ZEB2: variants seen among roughly 807,000 people sequenced by gnomAD.
ZEB2 encodes the protein zinc finger E-box binding homeobox 2.
A neutral mutation model predicts 99.9 loss-of-function variants in ZEB2; 6 were observed. The observed-to-expected ratio is 0.06, with a 90% CI of 0.03 to 0.12. The LOEUF is 0.12. Ranked by LOEUF, ZEB2 falls within the 10% of genes least tolerant of loss-of-function variation. ZEB2 has a pLI of 1.00. For missense variants in ZEB2, 969 were observed against 1,502.8 expected (o/e 0.64, Z 5.87); for synonymous variants, 517 against 542.5 (o/e 0.95, Z 0.65).
At chr2:144,471,095 T>C (rs1180172854) in intron 2 of ZEB2, among the ~76,000 whole-genome samples, 2 of 152,160 alleles carry the variant, frequency 1.3e-5, no homozygotes, top group Admixed American at 1.3e-4. Flanking sequence ...TTAATATGTT[T>C]CACTTGCTAT....
At chr2:144,517,506 C>T in intron 1 of ZEB2, 87 bp from the exon 2 acceptor site, 1 of 840,998 alleles carries the variant, frequency 1.2e-6, no homozygotes, top group South Asian at 1.4e-5. Context: ...GGCCAGGGCC[C>T]CGGCGAGCAC....
chr2:144,474,003 TA>T (rs1315718916), intron 2 of ZEB2, among the ~76,000 whole-genome samples: 1 of 152,164 alleles, frequency 6.6e-6, no homozygotes, highest in Non-Finnish European at 1.5e-5. Flanking sequence ...ATAGAGAATT[TA>T]AAGAAAGTTT....
chr2:144,445,482 C>G (rs960373889), intron 2 of ZEB2, among the ~76,000 whole-genome samples: 7 of 151,916 alleles, frequency 4.6e-5, no homozygotes, highest in Admixed American at 1.3e-4. Flanking sequence ...CTTTGAAAAC[C>G]CTGCCTAGCT....
intron 4 of ZEB2, among the ~76,000 whole-genome samples, chr2:144,410,472 T>C (rs978825340): frequency 1.3e-5 from 2 of 152,184 alleles, no homozygotes; most frequent in Admixed American, 6.5e-5. Context: ...TGCCTAAAAT[T>C]CAAGCGATGT....
chr2:144,502,524 C>T (rs1475181157), intron 2 of ZEB2, among the ~76,000 whole-genome samples: 8 of 152,130 alleles, frequency 5.3e-5, no homozygotes, highest in Non-Finnish European at 1.0e-4. Flanking sequence ...CACTCTGACC[C>T]ACTGCGCGTT....
At chr2:144,494,025 A>G (rs1271821172) in intron 2 of ZEB2, among the ~76,000 whole-genome samples, 2 of 151,732 alleles carry the variant, frequency 1.3e-5, no homozygotes, top group African/African-American at 2.4e-5. Context: ...GGTTGCAGGC[A>G]CCTGTAGTCC....
chr2:144,406,632 A>T (rs1350735332), intron 4 of ZEB2, among the ~76,000 whole-genome samples: 1 of 152,194 alleles, frequency 6.6e-6, no homozygotes, highest in African/African-American at 2.4e-5. Context: ...CACGTGATGT[A>T]AGGGTGGAGA....
intron 3 of ZEB2, chr2:144,427,342 G>A (rs1184891601): frequency 6.6e-6 from 1 of 152,188 alleles, no homozygotes. Flanking sequence ...GGCACAGTAA[G>A]AACTCCACTG....
At chr2:144,401,371 T>C in intron 6 of ZEB2, 64 bp from the exon 7 acceptor site, 24 of 1,555,032 alleles carry the variant, frequency 1.5e-5, no homozygotes, top group Non-Finnish European at 1.8e-6. Context: ...TTGTTACAAA[T>C]ATTTTTAAAA....
At chr2:144,411,075 A>G (rs1427468233) in intron 4 of ZEB2, among the ~76,000 whole-genome samples, 11 of 107,430 alleles carry the variant, frequency 1.0e-4, no homozygotes, top group Non-Finnish European at 2.2e-4. Context: ...ATATATATAT[A>G]TATATATATA....
At chr2:144,404,708 CT>C in intron 5 of ZEB2, 127 bp downstream of exon 5, 1 of 1,242,658 alleles carries the variant, frequency 8.0e-7, no homozygotes. Context: ...CTAATCTTTG[CT>C]CATGAAATTC....
At chr2:144,484,325 C>T (rs1366914166) in intron 2 of ZEB2, among the ~76,000 whole-genome samples, 3 of 152,156 alleles carry the variant, frequency 2.0e-5, no homozygotes, top group South Asian at 4.1e-4. Context: ...CCAGTCCCTG[C>T]ATTTTATCAT....
intron 2 of ZEB2, among the ~76,000 whole-genome samples, chr2:144,472,117 G>C (rs1349193380): frequency 6.6e-6 from 1 of 151,946 alleles, no homozygotes; most frequent in Admixed American, 6.6e-5. Context: ...AATTTCAGGA[G>C]GAATACTGTA....
intron 4 of ZEB2, chr2:144,424,367 T>C (rs752584474): frequency 3.9e-6 from 2 of 518,960 alleles, no homozygotes; most frequent in Admixed American, 3.9e-5. Flanking sequence ...CGTGGAAATT[T>C]GTCTTTCTGA....
At chr2:144,422,882 T>C (rs554897476) in intron 4 of ZEB2, among the ~76,000 whole-genome samples, 1 of 152,312 alleles carries the variant, frequency 6.6e-6, no homozygotes, top group African/African-American at 2.4e-5. Flanking sequence ...GTTTATCACA[T>C]ATTTTCACTT....
intron 2 of ZEB2, among the ~76,000 whole-genome samples, chr2:144,491,494 T>A (rs1428818891): frequency 6.6e-6 from 1 of 152,186 alleles, no homozygotes; most frequent in African/African-American, 2.4e-5. Flanking sequence ...ATCATGTACA[T>A]GTAGATGGTG....
intron 2 of ZEB2, among the ~76,000 whole-genome samples, chr2:144,436,982 G>C (rs1056246521): frequency 1.3e-5 from 2 of 151,976 alleles, no homozygotes; most frequent in Non-Finnish European, 2.9e-5. Context: ...AAACATATTC[G>C]GGTTTTCCTG....
chr2:144,504,377 G>A (rs1303129684), intron 2 of ZEB2: 1 of 152,354 alleles, frequency 6.6e-6, no homozygotes, highest in Non-Finnish European at 1.5e-5. Context: ...GAGGAGCTGA[G>A]ATTTCCCGCA....
rs1703064363 is a variant in ZEB2 at position 144,385,131 on chromosome 2, T to G, written c.*4320A>C. 6.6e-6 allele frequency: 1 copy of G among 152,188 alleles called. No individual in the cohort carries two copies. Among genetic ancestry groups the G allele is most frequent in the Non-Finnish European group, 1.5e-5 (1 of 68,016 alleles). The allele number at this position is 152,188 out of a possible 1,614,324, so 9.4% of individuals were successfully genotyped here. A position where few individuals can be genotyped will look rare whatever the true frequency, so the allele number is the denominator to read the frequency against. On this transcript the variant is annotated 3_prime_UTR_variant, in exon 10 of 10. Coordinates refer to ENST00000627532, the MANE Select transcript of ZEB2 (RefSeq NM_014795.4). ...TAAAATTTTTCAGAATTTATAGGAG[T>G]GCTTATATAAGCGATAATAATTGGA...
Sources: allele counts gnomAD v4.1 joint callset (sites outside exome capture counted in the v4.1 genomes callset), GRCh38; gene constraint gnomAD v4.1.1; transcripts MANE v1.5; gene names NCBI Gene and HGNC (gene_info 2026-07-23, HGNC 2026-07-21).